ERC1: variants seen among roughly 807,000 people sequenced by gnomAD.
The protein encoded by ERC1 is RAB6 interacting protein 2.
In ERC1, 56 loss-of-function variants were observed where a neutral mutation model predicts 132.0. The observed-to-expected ratio is 0.42, with a 90% CI of 0.34 to 0.53. The LOEUF (loss-of-function observed/expected upper bound fraction) is 0.53. ERC1 is among the 20% of genes least tolerant of loss of function. ERC1 has a pLI of 0.03. For missense variants in ERC1, 1,202 were observed against 1,349.9 expected (o/e 0.89, Z 1.72); for synonymous variants, 478 against 476.1 (o/e 1.00, Z -0.05).
intron 16 of ERC1, among the ~76,000 whole-genome samples, chr12:1,404,249 C>T (rs556382382): frequency 6.6e-6 from 1 of 152,190 alleles, no homozygotes. Flanking sequence ...GGCAAACGGG[C>T]TCCCTCGGGC....
chr12:1,236,876 A>G lies in ERC1; in HGVS notation c.2459A>G (p.Asn820Ser), dbSNP rs374632625. The G allele has an allele frequency of 5.6e-5, 90 of 1,613,998 alleles. No homozygotes were observed. In the African/African-American group the frequency reaches 6.0e-4, roughly 11 times the overall value. Residue 820 changes from asparagine (N) to serine (S), a missense_variant, in exon 13 of 19, where the codon AAT becomes AGT. Asn to Ser is a conservative substitution (Grantham distance 46). Transcript: ENST00000360905. Reference protein sequence around the residue: ...MLEEARRREDNLNDSSQQLQD... With the variant: ...MLEEARRREDSLNDSSQQLQD... ...GAGGAGGCGCGACGACGGGAGGACAATCTCAACGACAGCTCTCAGCAGCTA... is the reference window on the plus strand; with the variant it reads ...GAGGAGGCGCGACGACGGGAGGACAGTCTCAACGACAGCTCTCAGCAGCTA...
At chr12:1,147,853 C>T (rs1372048738) in intron 8 of ERC1, among the ~76,000 whole-genome samples, 1 of 152,118 alleles carries the variant, frequency 6.6e-6, no homozygotes. Flanking sequence ...GCTGATTATA[C>T]CCAAAATGTT....
intron 16 of ERC1, among the ~76,000 whole-genome samples, chr12:1,388,943 C>G (rs1054133603): frequency 1.3e-5 from 2 of 152,200 alleles, no homozygotes; most frequent in Admixed American, 1.3e-4. Context: ...AAGCTGCCCT[C>G]CATGCAGCAA....
chr12:1,176,207 G>A (rs74980568), intron 8 of ERC1, among the ~76,000 whole-genome samples: 4,433 of 152,310 alleles, frequency 0.029, 224 homozygotes, highest in African/African-American at 0.1. Flanking sequence ...GGTGCAGAAT[G>A]GATGTTATAT....
intron 14 of ERC1, among the ~76,000 whole-genome samples, chr12:1,263,675 C>T (rs12302807): frequency 0.41 from 61,616 of 151,186 alleles, 13,027 homozygotes; most frequent in African/African-American, 0.52. Context: ...GAACGTTTCT[C>T]TTTTTTTTCT....
At chr12:1,169,380 G>A (rs376787132) in intron 8 of ERC1, among the ~76,000 whole-genome samples, 1 of 152,332 alleles carries the variant, frequency 6.6e-6, no homozygotes, top group East Asian at 1.9e-4. Flanking sequence ...CTTATGAGGT[G>A]CCATGGTTTG....
At chr12:1,247,574 A>C (rs2076230429) in intron 13 of ERC1, among the ~76,000 whole-genome samples, 1 of 152,212 alleles carries the variant, frequency 6.6e-6, no homozygotes. Context: ...ATGCTTTGGA[A>C]TTTAAAAATG....
intron 15 of ERC1, among the ~76,000 whole-genome samples, chr12:1,291,064 A>G (rs1164530967): frequency 2.0e-5 from 3 of 152,214 alleles, no homozygotes; most frequent in African/African-American, 7.2e-5. Flanking sequence ...TAAACTTTGA[A>G]TACCTGAATA....
At chr12:1,140,096 G>C (rs1385881792) in intron 7 of ERC1, among the ~76,000 whole-genome samples, 2 of 152,146 alleles carry the variant, frequency 1.3e-5, no homozygotes, top group Non-Finnish European at 2.9e-5. Context: ...GACTGGTCGC[G>C]TAGAAGTAGT....
Position 1,104,801 on chromosome 12 carries a change from C to G in ERC1, c.1138C>G (p.Leu380Val). 6.2e-7 allele frequency: 1 copy of G among 1,612,582 alleles called. No individual in the cohort carries two copies. Among genetic ancestry groups the G allele is most frequent in the Non-Finnish European group, 8.5e-7 (1 of 1,178,646 alleles). ...TCCTGATTCTGCCAAAACAAAAGCT[C>G]TGCAAACTGTTATTGAGATGAAGGT... is the stretch of plus-strand genomic sequence containing the variant. ...NAPDSAKTKA[L>V]QTVIEMKDSK... The change falls in exon 4 of 19, where the codon CTG becomes GTG. Residue 380 changes from leucine (L) to valine (V), a missense_variant. By Grantham distance (32) the Leu-to-Val change is conservative (BLOSUM62 1). Coordinates refer to ENST00000360905, the MANE Select transcript of ERC1 (RefSeq NM_178040.4).
At chr12:1,269,458 G>T (rs1781150672) in intron 14 of ERC1, among the ~76,000 whole-genome samples, 1 of 152,180 alleles carries the variant, frequency 6.6e-6, no homozygotes, top group Non-Finnish European at 1.5e-5. Context: ...TAATATGACT[G>T]GCGGGCAAGA....
At chr12:1,128,346 A>G (rs753697121) in intron 7 of ERC1, among the ~76,000 whole-genome samples, 1 of 152,194 alleles carries the variant, frequency 6.6e-6, no homozygotes, top group Non-Finnish European at 1.5e-5. Flanking sequence ...ATGTTGTTTC[A>G]TGACTATTGA....
chr12:1,039,585 A>G (rs1307761777), intron 2 of ERC1, among the ~76,000 whole-genome samples: 1 of 152,052 alleles, frequency 6.6e-6, no homozygotes, highest in East Asian at 1.9e-4. Flanking sequence ...AGAAGAATAC[A>G]GTGAACCATG....
chr12:1,418,662 TTTCTTTTCTTTCTTTCTTTC>T (rs2092285244), intron 17 of ERC1, among the ~76,000 whole-genome samples: 7 of 112,812 alleles, frequency 6.2e-5, no homozygotes, highest in African/African-American at 9.4e-5. Flanking sequence ...TCTCTCTCTC[TTTCTTTTCTTTCTTTCTTTC>T]TTTCTTTCTT....
intron 16 of ERC1, among the ~76,000 whole-genome samples, chr12:1,385,674 CTA>C (rs754289299): frequency 1.3e-5 from 2 of 152,202 alleles, no homozygotes; most frequent in Non-Finnish European, 2.9e-5. Context: ...TAATTGCTAT[CTA>C]GAGCTCTCTT....
chr12:1,011,985 C>T (rs1964752963), intron 1 of ERC1, among the ~76,000 whole-genome samples: 1 of 151,168 alleles, frequency 6.6e-6, no homozygotes, highest in South Asian at 2.1e-4. Flanking sequence ...GTGTTATAAA[C>T]GTTTTTTAAA....
intron 8 of ERC1, among the ~76,000 whole-genome samples, chr12:1,153,627 C>G (rs917842574): frequency 2.0e-5 from 3 of 152,212 alleles, no homozygotes; most frequent in Non-Finnish European, 4.4e-5. Flanking sequence ...CCTGAAAAGA[C>G]AAACATTCCA....
At chr12:1,308,147 T>TG (rs2081018571) in intron 15 of ERC1, among the ~76,000 whole-genome samples, 1 of 152,130 alleles carries the variant, frequency 6.6e-6, no homozygotes, top group Admixed American at 6.5e-5. Context: ...GGAGAATCAG[T>TG]GGGCTGCCAA....
At chr12:1,374,954 G>A (rs1055341830) in intron 16 of ERC1, among the ~76,000 whole-genome samples, 2 of 150,480 alleles carry the variant, frequency 1.3e-5, no homozygotes, top group Admixed American at 6.7e-5. Context: ...TTGTAATCCT[G>A]TGCATTAGAA....
Sources: gnomAD v4.1 joint callset for allele counts (sites outside exome capture counted in the v4.1 genomes callset) on GRCh38, gnomAD v4.1.1 for gene constraint, MANE v1.5 for transcripts, NCBI Gene and HGNC (gene_info 2026-07-23, HGNC 2026-07-21) for gene names.